The following GSK3B variants were observed in gnomAD, a reference collection of about 807,000 sequenced individuals.
GSK3B encodes the protein glycogen synthase kinase-3 beta.
GSK3B carries 15 observed loss-of-function variants against 56.4 expected under a neutral mutation model. That is an observed-to-expected ratio of 0.27 (90% CI 0.18 to 0.41). GSK3B has a LOEUF of 0.41. Ranked by LOEUF, GSK3B falls within the 10% of genes least tolerant of loss-of-function variation. GSK3B has a pLI of 1.00. For missense variants in GSK3B, 300 were observed against 513.4 expected (o/e 0.58, Z 4.02); for synonymous variants, 181 against 188.9 (o/e 0.96, Z 0.34).
intron 7 of GSK3B, among the ~76,000 whole-genome samples, chr3:119,901,080 C>T (rs1045264984): frequency 2.0e-5 from 3 of 152,160 alleles, no homozygotes; most frequent in Admixed American, 2.0e-4. Flanking sequence ...CTATGGCCAA[C>T]TGCAGAGGTG....
intron 1 of GSK3B, among the ~76,000 whole-genome samples, chr3:120,050,220 A>C (rs757973725): frequency 2.6e-5 from 4 of 152,226 alleles, no homozygotes; most frequent in Non-Finnish European, 5.9e-5. Context: ...CTGCTACAAA[A>C]AGGTACAAAG....
At chr3:120,004,487 T>G (rs2057708762) in intron 1 of GSK3B, among the ~76,000 whole-genome samples, 1 of 152,144 alleles carries the variant, frequency 6.6e-6, no homozygotes, top group South Asian at 2.1e-4. Flanking sequence ...GACCCCTGTG[T>G]AGCCTGACTG....
chr3:119,981,283 G>A (rs934187811), intron 2 of GSK3B, among the ~76,000 whole-genome samples: 15 of 152,340 alleles, frequency 9.8e-5, no homozygotes, highest in African/African-American at 2.4e-4. Flanking sequence ...CATGATCGAC[G>A]CAGAAGACGG....
chr3:119,873,858 A>G (rs1358438509), intron 8 of GSK3B, among the ~76,000 whole-genome samples: 1 of 152,126 alleles, frequency 6.6e-6, no homozygotes, highest in Admixed American at 6.6e-5. Flanking sequence ...TGAAGTGAAA[A>G]CCAAATTATG....
intron 10 of GSK3B, among the ~76,000 whole-genome samples, chr3:119,830,570 C>T (rs941590261): frequency 3.9e-5 from 6 of 152,142 alleles, no homozygotes; most frequent in Non-Finnish European, 5.9e-5. Context: ...GGTAAAGTGA[C>T]GCTAAATGGC....
At chr3:120,036,863 A>G (rs1038936534) in intron 1 of GSK3B, among the ~76,000 whole-genome samples, 1 of 152,026 alleles carries the variant, frequency 6.6e-6, no homozygotes, top group Admixed American at 6.6e-5. Flanking sequence ...GGATACACAG[A>G]TATCAAAATA....
intron 1 of GSK3B, among the ~76,000 whole-genome samples, chr3:120,091,892 G>C (rs1202233720): frequency 6.6e-6 from 1 of 151,974 alleles, no homozygotes; most frequent in African/African-American, 2.4e-5. Context: ...CCTGTTTCAG[G>C]CTAGTTCCCA....
chr3:120,086,886 C>G (rs1192716967), intron 1 of GSK3B, among the ~76,000 whole-genome samples: 1 of 152,132 alleles, frequency 6.6e-6, no homozygotes, highest in African/African-American at 2.4e-5. Flanking sequence ...CCTACATACC[C>G]TACATACACT....
At chr3:119,914,331 G>A (rs1013423474) in intron 5 of GSK3B, among the ~76,000 whole-genome samples, 1 of 151,868 alleles carries the variant, frequency 6.6e-6, no homozygotes. Flanking sequence ...AAAATCAGAG[G>A]GTTTATAAAA....
intron 9 of GSK3B, among the ~76,000 whole-genome samples, chr3:119,847,313 T>TA (rs370648735): frequency 1.1e-4 from 17 of 150,900 alleles, no homozygotes; most frequent in African/African-American, 3.4e-4. Flanking sequence ...AGAATAAGTT[T>TA]AAAAAAAAAT....
At chr3:119,983,631 AG>A (rs2057485454) in intron 2 of GSK3B, among the ~76,000 whole-genome samples, 1 of 152,232 alleles carries the variant, frequency 6.6e-6, no homozygotes, top group Non-Finnish European at 1.5e-5. Flanking sequence ...ATGATGGTAA[AG>A]GAGTCAATTC....
chr3:120,076,163 A>C (rs998452514), intron 1 of GSK3B, among the ~76,000 whole-genome samples: 8 of 152,198 alleles, frequency 5.3e-5, no homozygotes, highest in Non-Finnish European at 8.8e-5. Flanking sequence ...CACATGCAAA[A>C]TAATGAAACT....
intron 3 of GSK3B, among the ~76,000 whole-genome samples, chr3:119,936,553 G>T (rs2056997005): frequency 6.6e-6 from 1 of 151,242 alleles, no homozygotes; most frequent in South Asian, 2.1e-4. Context: ...TTGCCATGTT[G>T]GCCAGGCTGG....
chr3:120,009,876 A>C (rs2057763583), intron 1 of GSK3B, among the ~76,000 whole-genome samples: 2 of 152,164 alleles, frequency 1.3e-5, no homozygotes, highest in South Asian at 2.1e-4. Flanking sequence ...TGACAGATTC[A>C]AAAGCAATGA....
intron 4 of GSK3B, among the ~76,000 whole-genome samples, chr3:119,919,015 C>A (rs2056809897): frequency 6.6e-6 from 1 of 151,874 alleles, no homozygotes; most frequent in Non-Finnish European, 1.5e-5. Flanking sequence ...GTGATCAGAC[C>A]CTGTCCTTAA....
chr3:120,062,820 A>T (rs934542435), intron 1 of GSK3B, among the ~76,000 whole-genome samples: 6 of 152,248 alleles, frequency 3.9e-5, no homozygotes, highest in Non-Finnish European at 8.8e-5. Flanking sequence ...TTACAACAAT[A>T]AAAGTTTTCT....
intron 1 of GSK3B, among the ~76,000 whole-genome samples, chr3:120,045,756 A>G (rs1206562165): frequency 6.6e-6 from 1 of 152,216 alleles, no homozygotes; most frequent in Non-Finnish European, 1.5e-5. Flanking sequence ...TACTTCCAAC[A>G]TGTCTACACA....
At chr3:119,879,196 T>A (rs1372686284) in intron 7 of GSK3B, among the ~76,000 whole-genome samples, 7 of 152,192 alleles carry the variant, frequency 4.6e-5, no homozygotes, top group Non-Finnish European at 1.0e-4. Flanking sequence ...ATTTATTTAT[T>A]TAGAGACGGA....
chr3:119,848,345 C>T (rs1286781297), intron 9 of GSK3B, among the ~76,000 whole-genome samples: 1 of 152,098 alleles, frequency 6.6e-6, no homozygotes, highest in Non-Finnish European at 1.5e-5. Context: ...TACAGGAGGA[C>T]ATTATCCTCT....
Sources: gnomAD v4.1 joint callset for allele counts (sites outside exome capture counted in the v4.1 genomes callset) on GRCh38, gnomAD v4.1.1 for gene constraint, MANE v1.5 for transcripts, NCBI Gene and HGNC (gene_info 2026-07-23, HGNC 2026-07-21) for gene names.